DOCK1: variants seen among roughly 807,000 people sequenced by gnomAD.
DOCK1 encodes dedicator of cytokinesis 1.
DOCK1 carries 138 observed loss-of-function variants against 262.7 expected under a neutral mutation model. That is an observed-to-expected ratio of 0.53 (90% CI 0.46 to 0.61). The LOEUF (loss-of-function observed/expected upper bound fraction) is 0.61, where lower values mean the gene tolerates loss of function less well. DOCK1 is among the 20% of genes least tolerant of loss of function. The pLI is 0.00. For missense variants in DOCK1, 1,908 were observed against 2,370.7 expected (o/e 0.80, Z 4.05); for synonymous variants, 866 against 867.4 (o/e 1.00, Z 0.03).
rs2067966 is a variant in DOCK1, at chr10:127,424,600, A to G, written c.4777-1274A>G. On this transcript the variant is annotated intron_variant, in intron 46 of 51. Transcript: ENST00000623213. ...AAAGTTGTCCCGGTCTGTCTGCGTC[A>G]TCCCCCAAGGCGGAACTCAGGAGGC... Among the ~76,000 whole-genome samples, 12 of 152,304 alleles carry G rather than the reference A, an allele frequency of 7.9e-5. No homozygotes were observed. In the East Asian group the frequency reaches 1.2e-3, roughly 15 times the overall value.
At chr10:127,075,227 G>A (rs1439026121) in intron 23 of DOCK1, among the ~76,000 whole-genome samples, 1 of 147,304 alleles carries the variant, frequency 6.8e-6, no homozygotes, top group Non-Finnish European at 1.5e-5. Context: ...GGGAAATTAG[G>A]TGGCCATCAA....
At chr10:126,961,850 G>C (rs1381241640) in intron 1 of DOCK1, among the ~76,000 whole-genome samples, 2 of 152,144 alleles carry the variant, frequency 1.3e-5, no homozygotes, top group Non-Finnish European at 2.9e-5. Context: ...TGGTTCTCTT[G>C]GGTAGGTATC....
In DOCK1 at chr10:126,951,325, G is replaced by A. The variant is rs1452369841; in HGVS notation, c.47-19377G>A. 2.0e-5 allele frequency among the ~76,000 whole-genome samples: 3 copies of A among 151,526 alleles called. No individual in the cohort carries two copies. In the East Asian group the frequency reaches 5.8e-4, roughly 29 times the overall value. On this transcript the variant is annotated intron_variant, in intron 1 of 51. Transcript: ENST00000623213. ...TAGTGGTAGTATTGTTGGTAGTATT[G>A]TTGGTGATAGTGGTGATGGTAGTAT...
At chr10:127,301,665 G>A (rs1445871878) in intron 29 of DOCK1, among the ~76,000 whole-genome samples, 2 of 152,072 alleles carry the variant, frequency 1.3e-5, no homozygotes, top group East Asian at 1.9e-4. Flanking sequence ...CAAGCTTTTG[G>A]CTGCGCGCTG....
At chr10:126,993,214 C>T (rs922094458) in intron 6 of DOCK1, among the ~76,000 whole-genome samples, 2 of 152,260 alleles carry the variant, frequency 1.3e-5, no homozygotes, top group Non-Finnish European at 2.9e-5. Context: ...GCCGTCCTCT[C>T]GTGTGTTCCC....
At chr10:127,007,275 A>T (rs2041104481) in intron 10 of DOCK1, 1 of 152,154 alleles carries the variant, frequency 6.6e-6, no homozygotes, top group South Asian at 2.1e-4. Context: ...CAAACAGGGG[A>T]TGAGGATGCT....
rs546829072 is a variant in DOCK1, at chr10:127,248,603, T to G, written c.2949+494T>G. Among the ~76,000 whole-genome samples, 3 of 152,322 alleles carry G rather than the reference T, an allele frequency of 2.0e-5. No individual in the cohort carries two copies. In the South Asian group the frequency reaches 6.2e-4, roughly 32 times the overall value. On this transcript the variant is annotated intron_variant, in intron 28 of 51. Coordinates refer to ENST00000623213, the MANE Select transcript of DOCK1 (RefSeq NM_001290223.2). Reference sequence around the variant, plus strand: ...TCAGTAAAACTATGATACAACTTAATTAGGAAAAGTATAACAGAGGGGAAT... The same window carrying G: ...TCAGTAAAACTATGATACAACTTAAGTAGGAAAAGTATAACAGAGGGGAAT...
At chr10:127,444,306 A>G in intron 50 of DOCK1, 27 bp downstream of exon 50, 4 of 1,571,898 alleles carry the variant, frequency 2.5e-6, no homozygotes, top group Non-Finnish European at 3.4e-6. Flanking sequence ...CCACATACGA[A>G]TCGTGCTATA....
rs528997009 is a variant in DOCK1, at chr10:127,196,400, A to G, written c.2848-51608A>G. Among the ~76,000 whole-genome samples, 533 of 148,592 alleles carry G rather than the reference A, an allele frequency of 3.6e-3. 8 individuals are homozygous for G. In the East Asian group the frequency reaches 0.054, roughly 15 times the overall value. ...TCCTCCGATGTCCTCATTTACTGCA[A>G]TTGTCTTCGGCGAGATCTCAGAGCC... is the stretch of plus-strand genomic sequence containing the variant. On this transcript the variant is annotated intron_variant, in intron 27 of 51. Transcript: ENST00000623213.
At chr10:127,263,725 C>T (rs1030516752) in intron 29 of DOCK1, among the ~76,000 whole-genome samples, 4 of 130,598 alleles carry the variant, frequency 3.1e-5, no homozygotes, top group East Asian at 2.4e-4. Flanking sequence ...CTGACTTGCT[C>T]GGATTCACGC....
intron 29 of DOCK1, among the ~76,000 whole-genome samples, chr10:127,310,688 G>A (rs1029722032): frequency 1.3e-5 from 2 of 152,140 alleles, no homozygotes; most frequent in African/African-American, 4.8e-5. Flanking sequence ...AAAGCCGCAG[G>A]AGTGGCCACA....
chr10:127,003,739 A>C (rs2135196612), intron 10 of DOCK1, among the ~76,000 whole-genome samples: 1 of 152,198 alleles, frequency 6.6e-6, no homozygotes, highest in Admixed American at 6.5e-5. Flanking sequence ...AGATCACATG[A>C]GTTTGGGTGT....
chr10:126,999,405 C>T lies in DOCK1; in HGVS notation c.819C>T (p.Asp273=), dbSNP rs1351712793. ...WSSSGLPKDI[D]RLHNLRAVFT... is the part of the protein sequence containing the mutation. ...GTTCAGGATTACCTAAAGACATAGA[C>T]AGATTACATAATTTGCGAGCCGTGT... The change falls in exon 9 of 52, where the codon GAC becomes GAT. Residue 273 remains aspartate, a synonymous_variant. Coordinates refer to ENST00000623213, the MANE Select transcript of DOCK1 (RefSeq NM_001290223.2). The T allele has an allele frequency of 6.2e-7, 1 of 1,613,456 alleles. No individual in the cohort carries two copies. Among genetic ancestry groups the T allele is most frequent in the Admixed American group, 1.7e-5 (1 of 59,930 alleles).
chr10:126,928,175 T>C (rs1398363266), intron 1 of DOCK1, among the ~76,000 whole-genome samples: 1 of 152,040 alleles, frequency 6.6e-6, no homozygotes, highest in African/African-American at 2.4e-5. Context: ...GAATAAGCCG[T>C]GAATGGGAGA....
chr10:127,044,426 G>A (rs2044210276), intron 21 of DOCK1, among the ~76,000 whole-genome samples: 1 of 152,162 alleles, frequency 6.6e-6, no homozygotes, highest in African/African-American at 2.4e-5. Flanking sequence ...GCTAATAAAC[G>A]TTTGTTTAAA....
At chr10:127,275,012 G>T (rs1397814255) in intron 29 of DOCK1, among the ~76,000 whole-genome samples, 1 of 152,130 alleles carries the variant, frequency 6.6e-6, no homozygotes, top group Non-Finnish European at 1.5e-5. Context: ...TGCCCAGGAG[G>T]TGGCCCAATA....
At position 127,024,815 on chromosome 10, in the gene DOCK1, C is replaced by T. The variant is rs377545014; in HGVS notation, c.1551+32C>T. 683 of 1,526,948 alleles carry T rather than the reference C, an allele frequency of 4.5e-4. 3 individuals carry two copies. In the Middle Eastern group the frequency reaches 5.9e-3, roughly 13 times the overall value. 94.6% of individuals were successfully genotyped at this position (1,526,948 alleles called of 1,614,324 possible). Reference sequence around the variant, plus strand: ...TTTACATGGTCATTTTATCACATGGCGCTGATTATGAAATGCTCATTTGTA... The same window carrying T: ...TTTACATGGTCATTTTATCACATGGTGCTGATTATGAAATGCTCATTTGTA... On this transcript the variant is annotated intron_variant, in intron 15 of 51. Coordinates refer to ENST00000623213, the MANE Select transcript of DOCK1 (RefSeq NM_001290223.2).
At chr10:126,949,396 T>G (rs1213731671) in intron 1 of DOCK1, among the ~76,000 whole-genome samples, 3 of 152,130 alleles carry the variant, frequency 2.0e-5, no homozygotes, top group African/African-American at 7.2e-5. Flanking sequence ...ACGTGTCCCT[T>G]CAGCCCTGAG....
chr10:126,953,274 GTGT>G lies in DOCK1; in HGVS notation c.47-17424_47-17422del, dbSNP rs1279158182. Reference sequence around the variant, plus strand: ...GGTATTGGTGATGGTGGTGGTGGTAGTGTTGTGGTGTGGTGTGGTGGTAGTGGT... The same window carrying G: ...GGTATTGGTGATGGTGGTGGTGGTAGTGTGGTGTGGTGTGGTGGTAGTGGT... On this transcript the variant is annotated intron_variant, in intron 1 of 51. Transcript: ENST00000623213. 2.1e-3 allele frequency among the ~76,000 whole-genome samples: 321 copies of G among 150,712 alleles called. 3 individuals carry two copies. The highest frequency in any genetic ancestry group is 1.2e-3 in the Non-Finnish European group (83 of 67,882).
Sources: gnomAD v4.1 joint callset for allele counts (sites outside exome capture counted in the v4.1 genomes callset) on GRCh38, gnomAD v4.1.1 for gene constraint, MANE v1.5 for transcripts, NCBI Gene and HGNC (gene_info 2026-07-23, HGNC 2026-07-21) for gene names.